COQ8A: variants seen among roughly 807,000 people sequenced by gnomAD.
COQ8A encodes coenzyme Q8A, also known as atypical kinase COQ8A, mitochondrial.
In COQ8A, 51 loss-of-function variants were observed where a neutral mutation model predicts 65.0. That is an observed-to-expected ratio of 0.78 (90% CI 0.63 to 0.99). The LOEUF (loss-of-function observed/expected upper bound fraction) is 0.99, where lower values mean the gene tolerates loss of function less well. Among genes scored for constraint, COQ8A ranks in the 50% least tolerant of loss-of-function variants. The pLI, the probability that COQ8A is intolerant of heterozygous loss-of-function variation, is 0.00. For synonymous variants in COQ8A, 371 were observed against 353.2 expected (o/e 1.05, Z -0.57); for missense variants, 940 against 875.0 (o/e 1.07, Z -0.94).
At chr1:226,970,243 G>A (rs34556998) in intron 4 of COQ8A, among the ~76,000 whole-genome samples, 21,493 of 152,200 alleles carry the variant, frequency 0.14, 1,944 homozygotes, top group South Asian at 0.36. Context: ...ATGAGCCACC[G>A]CACCTGGCCC....
Position 226,984,637 on chromosome 1 carries a change from T to G in COQ8A, c.1488T>G (p.Tyr496Ter), listed in dbSNP as rs759222529. ...QTDPNWSNFF[Y>*]DPQQHKVALL... ...ACCCCAACTGGTCCAACTTCTTCTA[T>G]GACCCCCAGCAGCACAAGGTGAGCC... Residue 496 changes from tyrosine (Y) to a stop codon, truncating the protein, a stop_gained, in exon 12 of 15, where the codon TAT becomes TAG. Transcript: ENST00000366777. LOFTEE classifies it high-confidence loss of function. 1 of 1,614,106 alleles carries G rather than the reference T, an allele frequency of 6.2e-7. No individual in the cohort carries two copies. The highest frequency in any genetic ancestry group is 8.5e-7 in the Non-Finnish European group (1 of 1,179,936).
intron 1 of COQ8A, among the ~76,000 whole-genome samples, chr1:226,942,937 T>C (rs1558175366): frequency 6.6e-6 from 1 of 152,216 alleles, no homozygotes; most frequent in Non-Finnish European, 1.5e-5. Context: ...CCAAACTGAT[T>C]GGCACGCAGA....
At chr1:226,944,945 C>T (rs1656939197) in intron 1 of COQ8A, among the ~76,000 whole-genome samples, 1 of 152,262 alleles carries the variant, frequency 6.6e-6, no homozygotes, top group African/African-American at 2.4e-5. Flanking sequence ...GGCTGTAGCG[C>T]CCCTCTCTGC....
At chr1:226,984,381 G>A in intron 11 of COQ8A, 146 bp downstream of exon 11, 2 of 1,350,414 alleles carry the variant, frequency 1.5e-6, no homozygotes, top group South Asian at 1.2e-5. Flanking sequence ...GGGACTTAGG[G>A]GGACACAGGG....
chr1:226,971,188 A>G (rs1427560102), intron 4 of COQ8A, among the ~76,000 whole-genome samples: 6 of 151,498 alleles, frequency 4.0e-5, no homozygotes, highest in Non-Finnish European at 8.8e-5. Flanking sequence ...TGATCCACCC[A>G]CCTCTGCCTC....
At chr1:226,953,543 T>C (rs1167359476) in intron 1 of COQ8A, among the ~76,000 whole-genome samples, 1 of 152,230 alleles carries the variant, frequency 6.6e-6, no homozygotes, top group African/African-American at 2.4e-5. Flanking sequence ...GGGCCAGCTC[T>C]GAGAGCCCAG....
intron 3 of COQ8A, 46 bp downstream of exon 3, chr1:226,965,456 A>G (rs1042072333): frequency 6.3e-7 from 1 of 1,589,192 alleles, no homozygotes; most frequent in South Asian, 1.1e-5. Context: ...TGCCACCCAC[A>G]GCAGTGATGG....
rs1233719916 is a variant in COQ8A, at chr1:226,978,261, C to T, written c.730+738C>T. On this transcript the variant is annotated intron_variant, in intron 5 of 14. Coordinates refer to ENST00000366777, the MANE Select transcript of COQ8A (RefSeq NM_020247.5). ...CACACACACCTGCTTACACAGCCTC[C>T]GCACCCACTGAACACCCGCACACCT... Among the ~76,000 whole-genome samples, 7 of 107,644 alleles carry T rather than the reference C, an allele frequency of 6.5e-5. No homozygotes were observed. In the South Asian group the frequency reaches 8.6e-4, roughly 13 times the overall value. The allele number at this position is 107,644 out of a possible 152,430, so 70.6% of individuals were successfully genotyped here.
rs1473665143 is a variant in COQ8A, at chr1:226,983,001, G to A, written c.1047G>A (p.Met349Ile). The part of the protein sequence containing the change: ...ASIGQVHLAR[M>I]KGGREVAMKI... ...TTGGGCAGGTGCACTTGGCCCGAAT[G>A]AAGGGCGGCCGCGAGGTGGCCATGA... Residue 349 changes from methionine (M) to isoleucine (I), a missense_variant, in exon 8 of 15, where the codon ATG (methionine) becomes ATA (isoleucine). Transcript: ENST00000366777. The A allele has an allele frequency of 4.4e-6, 7 of 1,597,696 alleles. No individual in the cohort carries two copies. The highest frequency in any genetic ancestry group is 4.3e-6 in the Non-Finnish European group (5 of 1,172,964).
intron 5 of COQ8A, among the ~76,000 whole-genome samples, chr1:226,981,211 A>C (rs1659663887): frequency 6.6e-6 from 1 of 152,198 alleles, no homozygotes; most frequent in Admixed American, 6.5e-5. Context: ...CTGCCTCTGG[A>C]TAGGGGCACC....
chr1:226,948,531 C>T (rs1310164746), intron 1 of COQ8A, among the ~76,000 whole-genome samples: 2 of 152,172 alleles, frequency 1.3e-5, no homozygotes, highest in Admixed American at 6.5e-5. Flanking sequence ...AGTATTTTGG[C>T]CAGATTTAAA....
Position 226,983,009 on chromosome 1 carries a change from G to A in COQ8A, c.1055G>A (p.Gly352Asp), listed in dbSNP as rs1172666352. 1.3e-6 allele frequency: 2 copies of A among 1,592,560 alleles called. No individual in the cohort carries two copies. Among genetic ancestry groups the A allele is most frequent in the Admixed American group, 3.5e-5 (2 of 57,074 alleles). Residue 352 changes from glycine (G) to aspartate (D), a missense_variant, in exon 8 of 15, where the codon GGC becomes GAC. By Grantham distance (94) the Gly-to-Asp change is moderately conservative (BLOSUM62 -1). Coordinates refer to ENST00000366777, the MANE Select transcript of COQ8A (RefSeq NM_020247.5). ...GQVHLARMKG[G>D]REVAMKIQYP... ...GTGCACTTGGCCCGAATGAAGGGCGGCCGCGAGGTGGCCATGAAGATCCAG... is the reference window on the plus strand; with the variant it reads ...GTGCACTTGGCCCGAATGAAGGGCGACCGCGAGGTGGCCATGAAGATCCAG...
chr1:226,982,411 A>G, intron 6 of COQ8A: 3 of 643,568 alleles, frequency 4.7e-6, no homozygotes, highest in Non-Finnish European at 2.7e-6. Context: ...ACTATGTTTT[A>G]TTTTCCAAAT....
rs1574184 is a variant in COQ8A at position 226,984,036 on chromosome 1, G to T, written c.1257-58G>T. 0.25 allele frequency: 344,316 copies of T among 1,397,928 alleles called. 37,028 individuals are homozygous for T. The highest frequency in any genetic ancestry group is 0.28 in the African/African-American group (19,183 of 69,374). The allele number at this position is 1,397,928 out of a possible 1,614,324, so 86.6% of individuals were successfully genotyped here. A position where few individuals can be genotyped will look rare whatever the true frequency, so the allele number is the denominator to read the frequency against. ...TCTGCCTGGTTGGGGGGTGTGTGTG[G>T]GGGGGGGGACGGTGTGGAGGGCCTG... On this transcript the variant is annotated intron_variant, in intron 10 of 14. Coordinates refer to ENST00000366777, the MANE Select transcript of COQ8A (RefSeq NM_020247.5).
chr1:226,942,963 G>C (rs544293390), intron 1 of COQ8A, among the ~76,000 whole-genome samples: 1 of 152,230 alleles, frequency 6.6e-6, no homozygotes, highest in South Asian at 2.1e-4. Flanking sequence ...TGAAAAACAG[G>C]GATTTCTTGC....
At chr1:226,974,279 TTC>T (rs1284958215) in intron 4 of COQ8A, among the ~76,000 whole-genome samples, 1 of 152,188 alleles carries the variant, frequency 6.6e-6, no homozygotes, top group Non-Finnish European at 1.5e-5. Flanking sequence ...ATTGCATAAC[TTC>T]TCTCGGAGAA....
In COQ8A at chr1:226,940,365, G is replaced by C. The variant is rs918104161; in HGVS notation, c.-44G>C. On this transcript the variant is annotated 5_prime_UTR_variant, in exon 1 of 15. Coordinates refer to ENST00000366777, the MANE Select transcript of COQ8A (RefSeq NM_020247.5). Reference sequence around the variant, plus strand: ...GCAGAGGCGGGCGCGGAGGCGGCTAGAAGGTGACCGCGGATCCCAGCTTCC... The same window carrying C: ...GCAGAGGCGGGCGCGGAGGCGGCTACAAGGTGACCGCGGATCCCAGCTTCC... The C allele has an allele frequency of 6.6e-6, 1 of 152,388 alleles. No individual in the cohort carries two copies. The highest frequency in any genetic ancestry group is 1.5e-5 in the Non-Finnish European group (1 of 68,168). The allele number at this position is 152,388 out of a possible 1,614,324, so 9.4% of individuals were successfully genotyped here.
Position 226,977,516 on chromosome 1 carries a change from CCCCTCAGGTGAGCCGGG to C in COQ8A, c.728_730+14del. On this transcript the variant is annotated splice_donor_variant and splice_donor_5th_base_variant and coding_sequence_variant and intron_variant, in exon 5 of 15. Coordinates refer to ENST00000366777, the MANE Select transcript of COQ8A (RefSeq NM_020247.5). LOFTEE classifies it high-confidence loss of function. ...CCAAGAAGAGCCTGCGCTCCGAGGACCCCTCAGGTGAGCCGGGCCCTTCAGTGGGAGGGGCAGGGTGG... is the reference window on the plus strand; with the variant it reads ...CCAAGAAGAGCCTGCGCTCCGAGGACCCCTTCAGTGGGAGGGGCAGGGTGG... 6.4e-7 allele frequency: 1 copy of C among 1,560,432 alleles called. No individual in the cohort carries two copies. The highest frequency in any genetic ancestry group is 8.7e-7 in the Non-Finnish European group (1 of 1,152,158).
rs119468005 is a variant in COQ8A at position 226,965,719 on chromosome 1, C to G, written c.637C>G (p.Arg213Gly). Reference sequence around the variant, plus strand: ...GAAGGTGCCTGTGACGAGGATTGGCCGGCTGGCCAACTTCGGAGGTAAGGT... The same window carrying G: ...GAAGGTGCCTGTGACGAGGATTGGCGGGCTGGCCAACTTCGGAGGTAAGGT... ...ERKVPVTRIG[R>G]LANFGGLAVG... The change falls in exon 4 of 15, where the codon CGG becomes GGG. Residue 213 changes from arginine to glycine, a missense_variant. Arg to Gly is a moderately radical substitution (Grantham distance 125). Transcript: ENST00000366777. 1 of 1,613,896 alleles carries G rather than the reference C, an allele frequency of 6.2e-7. No individual in the cohort carries two copies. Among genetic ancestry groups the G allele is most frequent in the Middle Eastern group, 1.7e-4 (1 of 6,010 alleles).
Sources: gnomAD v4.1 joint callset for allele counts (sites outside exome capture counted in the v4.1 genomes callset) on GRCh38, gnomAD v4.1.1 for gene constraint, MANE v1.5 for transcripts, NCBI Gene and HGNC (gene_info 2026-07-23, HGNC 2026-07-21) for gene names.